Variants in GSK3B observed in about 807,000 individuals in gnomAD.
The protein encoded by GSK3B is glycogen synthase kinase 3 beta.
GSK3B carries 15 observed loss-of-function variants against 56.4 expected under a neutral mutation model. The ratio of observed to expected loss-of-function variants is 0.27; its 90% CI spans 0.18 to 0.41. The LOEUF (loss-of-function observed/expected upper bound fraction) is 0.41, where lower values mean the gene tolerates loss of function less well. Ranked by LOEUF, GSK3B falls within the 10% of genes least tolerant of loss-of-function variation. GSK3B has a pLI of 1.00. For synonymous variants in GSK3B, 181 were observed against 188.9 expected, an observed-to-expected ratio of 0.96 and a Z score of 0.34; for missense variants, 300 against 513.4, an observed-to-expected ratio of 0.58 and a Z score of 4.02.
At chr3:119,827,191 G>C (rs1559798081) in intron 10 of GSK3B, among the ~76,000 whole-genome samples, 1 of 152,176 alleles carries the variant, frequency 6.6e-6, no homozygotes, top group South Asian at 2.1e-4. Context: ...GAAAATAAAT[G>C]AACAGTGCAC....
chr3:119,971,713 G>A (rs989623023), intron 2 of GSK3B, among the ~76,000 whole-genome samples: 1 of 133,718 alleles, frequency 7.5e-6, no homozygotes, highest in South Asian at 2.4e-4. Context: ...CCGGGTTCAC[G>A]CCATTCTCCT....
intron 1 of GSK3B, among the ~76,000 whole-genome samples, chr3:120,011,052 C>T (rs2057774743): frequency 6.6e-6 from 1 of 152,112 alleles, no homozygotes; most frequent in African/African-American, 2.4e-5. Flanking sequence ...CTGGGCAACA[C>T]AGCAAGACCA....
rs73854767 is a variant in GSK3B at position 120,035,553 on chromosome 3, T to G, written c.89-33314A>C. Among the ~76,000 whole-genome samples, 961 of 152,364 alleles carry G rather than the reference T, an allele frequency of 6.3e-3. 12 individuals are homozygous for G. Among genetic ancestry groups the G allele is most frequent in the African/African-American group, 0.02 (821 of 41,580 alleles). On this transcript the variant is annotated intron_variant, in intron 1 of 10. Transcript: ENST00000264235. ...TGGAATTTTGATAAACCACTGGAAC[T>G]GTAGATCAACTAGGAGAGCACTATT...
chr3:119,901,067 C>A (rs2056619779), intron 7 of GSK3B, among the ~76,000 whole-genome samples: 1 of 152,174 alleles, frequency 6.6e-6, no homozygotes, highest in Non-Finnish European at 1.5e-5. Flanking sequence ...CAAAGCTCCA[C>A]TGCTATGGCC....
intron 7 of GSK3B, among the ~76,000 whole-genome samples, chr3:119,896,682 T>C (rs1387880825): frequency 6.6e-6 from 1 of 152,172 alleles, no homozygotes. Context: ...TTAAGAATCA[T>C]TGGTGTCAAA....
At chr3:119,992,150 A>C (rs1315925849) in intron 2 of GSK3B, among the ~76,000 whole-genome samples, 1 of 152,064 alleles carries the variant, frequency 6.6e-6, no homozygotes, top group Non-Finnish European at 1.5e-5. Context: ...AACATGTAAA[A>C]ATAGGTAGGA....
chr3:119,896,418 T>TA (rs892968253), intron 7 of GSK3B, among the ~76,000 whole-genome samples: 6 of 150,866 alleles, frequency 4.0e-5, no homozygotes, highest in South Asian at 2.1e-4. Context: ...TCTCTTGGAT[T>TA]AAAAAAAAAT....
At chr3:120,048,892 A>G (rs1180816407) in intron 1 of GSK3B, among the ~76,000 whole-genome samples, 1 of 152,234 alleles carries the variant, frequency 6.6e-6, no homozygotes, top group Non-Finnish European at 1.5e-5. Context: ...TTTGCACTAC[A>G]TAAAACAGAT....
intron 1 of GSK3B, among the ~76,000 whole-genome samples, chr3:120,064,844 C>A (rs566947081): frequency 3.6e-4 from 55 of 152,294 alleles, no homozygotes; most frequent in Non-Finnish European, 5.9e-4. Flanking sequence ...CAAAAATAAA[C>A]CCATGTATCT....
intron 5 of GSK3B, among the ~76,000 whole-genome samples, chr3:119,914,365 C>T (rs2056762333): frequency 6.6e-6 from 1 of 151,988 alleles, no homozygotes; most frequent in African/African-American, 2.4e-5. Context: ...CAAGCGAAAT[C>T]CCTCTTCCAA....
chr3:119,943,219 A>C (rs1050435027), intron 3 of GSK3B, among the ~76,000 whole-genome samples: 1 of 152,232 alleles, frequency 6.6e-6, no homozygotes, highest in African/African-American at 2.4e-5. Context: ...GAAATGTAAA[A>C]CATGCCTGTT....
At chr3:120,017,055 T>C (rs2057833502) in intron 1 of GSK3B, among the ~76,000 whole-genome samples, 1 of 152,204 alleles carries the variant, frequency 6.6e-6, no homozygotes, top group Admixed American at 6.5e-5. Flanking sequence ...TTTTAACTCT[T>C]AAAAACACGC....
intron 3 of GSK3B, among the ~76,000 whole-genome samples, chr3:119,929,154 A>G (rs1272012566): frequency 6.6e-6 from 1 of 152,206 alleles, no homozygotes; most frequent in Non-Finnish European, 1.5e-5. Flanking sequence ...AAAAATGCAG[A>G]GATCAATATT....
At position 119,831,459 on chromosome 3, in the gene GSK3B, C is replaced by T. The variant is rs377439131; in HGVS notation, c.1196-4604G>A. Among the ~76,000 whole-genome samples, 17 of 152,102 alleles carry T rather than the reference C, an allele frequency of 1.1e-4. No homozygotes were observed. The East Asian group carries it at 3.3e-3, about 29-fold the overall frequency. On this transcript the variant is annotated intron_variant, in intron 10 of 10. Transcript: ENST00000264235. The stretch of plus-strand genomic sequence containing the variant: ...GATCACAAAGTCAGGAGATAGAGAC[C>T]ATCCTGGCTAACACGGTGAAACCCT...
At chr3:120,042,411 C>G (rs953452255) in intron 1 of GSK3B, among the ~76,000 whole-genome samples, 2 of 152,080 alleles carry the variant, frequency 1.3e-5, no homozygotes, top group African/African-American at 4.8e-5. Flanking sequence ...TATACCCTAG[C>G]CAAAACGGGT....
At chr3:120,046,913 A>G (rs1331819989) in intron 1 of GSK3B, among the ~76,000 whole-genome samples, 1 of 152,116 alleles carries the variant, frequency 6.6e-6, no homozygotes, top group Non-Finnish European at 1.5e-5. Flanking sequence ...TCCCAGCCTA[A>G]ACTTTTAATT....
Position 120,017,065 on chromosome 3 carries a change from C to T in GSK3B, c.89-14826G>A, listed in dbSNP as rs538549241. ...AGAATTTTTAACTCTTAAAAACACG[C>T]TTATCCGTTTGATTTACAAGCTGCC... is the stretch of plus-strand genomic sequence containing the variant. On this transcript the variant is annotated intron_variant, in intron 1 of 10. Transcript: ENST00000264235. Among the ~76,000 whole-genome samples the T allele has an allele frequency of 1.5e-4, 23 of 152,286 alleles. 1 individual carries two copies. The South Asian group carries it at 4.4e-3, about 29-fold the overall frequency.
chr3:119,858,452 C>G (rs1480716690), intron 9 of GSK3B, among the ~76,000 whole-genome samples: 1 of 152,196 alleles, frequency 6.6e-6, no homozygotes, highest in East Asian at 1.9e-4. Flanking sequence ...CTTCCTTAAG[C>G]CTCATGAACC....
At chr3:119,889,312 G>GA (rs1489149296) in intron 7 of GSK3B, among the ~76,000 whole-genome samples, 8 of 151,966 alleles carry the variant, frequency 5.3e-5, no homozygotes, top group African/African-American at 1.7e-4. Context: ...ATGGAAAATA[G>GA]AAAAAACCTA....
Sources: allele counts gnomAD v4.1 joint callset (sites outside exome capture counted in the v4.1 genomes callset), GRCh38; gene constraint gnomAD v4.1.1; transcripts MANE v1.5; gene names NCBI Gene and HGNC (gene_info 2026-07-23, HGNC 2026-07-21).